GRK3: variants seen among roughly 807,000 people sequenced by gnomAD.
GRK3 encodes adrenergic, beta, receptor kinase 2.
A neutral mutation model predicts 95.7 loss-of-function variants in GRK3; 54 were observed. The observed-to-expected ratio is 0.56, with a 90% CI of 0.45 to 0.71. GRK3 has a LOEUF of 0.71. Ranked by LOEUF, GRK3 falls within the 30% of genes least tolerant of loss-of-function variation. GRK3 has a pLI of 0.00. For missense variants in GRK3, 649 were observed against 851.2 expected (o/e 0.76, Z 2.96); for synonymous variants, 281 against 290.8 (o/e 0.97, Z 0.34).
rs146313233 is a variant in GRK3, at chr22:25,661,613, G to A, written c.302G>A (p.Arg101His). The change falls in exon 4 of 21, where the codon CGC becomes CAC. Residue 101 changes from arginine (R) to histidine (H), a missense_variant. By Grantham distance (29) the Arg-to-His change is conservative. Coordinates refer to ENST00000324198, the MANE Select transcript of GRK3 (RefSeq NM_005160.4). Reference sequence around the variant, plus strand: ...GAAAAACTTGATAATGAGGAAGACCGCCTTTGCAGAAGTCGACAAATTTAT... The same window carrying A: ...GAAAAACTTGATAATGAGGAAGACCACCTTTGCAGAAGTCGACAAATTTAT... ...EYEKLDNEED[R>H]LCRSRQIYDA... 4.3e-6 allele frequency: 7 copies of A among 1,612,946 alleles called. No homozygotes were observed. Among genetic ancestry groups the A allele is most frequent in the African/African-American group, 1.3e-5 (1 of 74,868 alleles).
At chr22:25,695,557 A>AT (rs1461110055) in intron 13 of GRK3, among the ~76,000 whole-genome samples, 3 of 152,138 alleles carry the variant, frequency 2.0e-5, no homozygotes, top group Non-Finnish European at 4.4e-5. Context: ...AGGTAGAATG[A>AT]TTTTTTCCCT....
chr22:25,582,721 A>T (rs1932144948), intron 1 of GRK3, among the ~76,000 whole-genome samples: 1 of 152,220 alleles, frequency 6.6e-6, no homozygotes, highest in Non-Finnish European at 1.5e-5. Context: ...TTTCGAGTGG[A>T]GGAGGAAGAG....
intron 2 of GRK3, among the ~76,000 whole-genome samples, chr22:25,642,432 C>T (rs1028944871): frequency 6.6e-6 from 1 of 152,028 alleles, no homozygotes; most frequent in African/African-American, 2.4e-5. Flanking sequence ...GACTCCATCT[C>T]AAAAATAAAT....
At chr22:25,677,007 A>G (rs2085035440) in intron 8 of GRK3, among the ~76,000 whole-genome samples, 1 of 152,122 alleles carries the variant, frequency 6.6e-6, no homozygotes, top group Non-Finnish European at 1.5e-5. Context: ...CCAAGAATGC[A>G]CTTGCTTCCC....
chr22:25,578,618 A>C (rs1931992711), intron 1 of GRK3, among the ~76,000 whole-genome samples: 1 of 152,132 alleles, frequency 6.6e-6, no homozygotes, highest in South Asian at 2.1e-4. Context: ...GGAGGCGGAG[A>C]GTTGGTGTCA....
At chr22:25,590,926 C>A (rs978876299) in intron 1 of GRK3, among the ~76,000 whole-genome samples, 3 of 152,150 alleles carry the variant, frequency 2.0e-5, no homozygotes, top group Non-Finnish European at 4.4e-5. Context: ...AACCATTACC[C>A]AAATTCAGAT....
intron 9 of GRK3, among the ~76,000 whole-genome samples, chr22:25,681,065 G>A: frequency 6.6e-6 from 1 of 151,810 alleles, no homozygotes; most frequent in South Asian, 2.1e-4. Flanking sequence ...AAGGAAATAT[G>A]CATGTTGGAG....
At chr22:25,590,116 C>G (rs2146326799) in intron 1 of GRK3, among the ~76,000 whole-genome samples, 1 of 152,168 alleles carries the variant, frequency 6.6e-6, no homozygotes, top group Admixed American at 6.5e-5. Context: ...TCTATACCTC[C>G]TATTTCCCTT....
intron 19 of GRK3, among the ~76,000 whole-genome samples, chr22:25,720,680 T>C (rs370873617): frequency 1.9e-4 from 29 of 152,070 alleles, no homozygotes; most frequent in African/African-American, 6.8e-4. Context: ...TTTCACCATC[T>C]TGGCCAGGTT....
rs759640133 is a variant in GRK3 at position 25,687,568 on chromosome 22, C to T, written c.858C>T (p.His286=). The change falls in exon 11 of 21, where the codon CAC becomes CAT. Residue 286 remains histidine (H), a synonymous_variant. Coordinates refer to ENST00000324198, the MANE Select transcript of GRK3 (RefSeq NM_005160.4). ...GGDLHYHLSQ[H]GVFSEKEMRF... is the part of the protein sequence containing the mutation. ...ATTTGCACTACCACCTTTCACAACA[C>T]GGTGTGTTCTCTGAGAAGGAGATGC... The T allele has an allele frequency of 2.0e-5, 33 of 1,613,934 alleles. No homozygotes were observed. The highest frequency in any genetic ancestry group is 6.7e-5 in the Admixed American group (4 of 60,006).
At chr22:25,687,169 G>A (rs1292585726) in intron 10 of GRK3, among the ~76,000 whole-genome samples, 1 of 151,212 alleles carries the variant, frequency 6.6e-6, no homozygotes, top group Non-Finnish European at 1.5e-5. Context: ...TATCCATAGA[G>A]CCAGTTGCTA....
intron 2 of GRK3, among the ~76,000 whole-genome samples, chr22:25,614,196 C>G (rs569244688): frequency 6.6e-6 from 1 of 152,244 alleles, no homozygotes; most frequent in East Asian, 1.9e-4. Context: ...GGTACACTCT[C>G]AGCTCACTGC....
intron 10 of GRK3, among the ~76,000 whole-genome samples, chr22:25,685,987 G>A (rs190684237): frequency 6.6e-6 from 1 of 151,682 alleles, no homozygotes; most frequent in African/African-American, 2.4e-5. Flanking sequence ...TTGGGAGACC[G>A]AGGCGGGCGG....
In GRK3 at chr22:25,613,133, G is replaced by A. The variant is rs1232614535; in HGVS notation, c.190+8680G>A. Among the ~76,000 whole-genome samples the A allele has an allele frequency of 6.6e-5, 10 of 151,330 alleles. 1 individual carries two copies. The highest frequency in any genetic ancestry group is 2.6e-4 in the Admixed American group (4 of 15,200). ...TAAGTCAGCAGCTTTGGATTCAAAA[G>A]TTGAGGTTAAATTACAGCAAATAGA... is the stretch of plus-strand genomic sequence containing the variant. On this transcript the variant is annotated intron_variant, in intron 2 of 20. Coordinates refer to ENST00000324198, the MANE Select transcript of GRK3 (RefSeq NM_005160.4).
intron 3 of GRK3, among the ~76,000 whole-genome samples, chr22:25,650,676 G>C (rs2084824274): frequency 6.6e-6 from 1 of 152,196 alleles, no homozygotes; most frequent in Non-Finnish European, 1.5e-5. Flanking sequence ...AAATGGCATT[G>C]TTGGCATTCA....
At chr22:25,570,497 A>G (rs2146310099) in intron 1 of GRK3, among the ~76,000 whole-genome samples, 1 of 152,322 alleles carries the variant, frequency 6.6e-6, no homozygotes, top group South Asian at 2.1e-4. Context: ...AATAAAAATC[A>G]CTTTCTCATT....
At chr22:25,605,784 T>C (rs2084441252) in intron 2 of GRK3, among the ~76,000 whole-genome samples, 1 of 152,182 alleles carries the variant, frequency 6.6e-6, no homozygotes, top group Non-Finnish European at 1.5e-5. Flanking sequence ...TCTGCCTCCA[T>C]GGATTTGCTT....
intron 2 of GRK3, among the ~76,000 whole-genome samples, chr22:25,617,216 G>T (rs989148421): frequency 1.3e-5 from 2 of 152,160 alleles, no homozygotes; most frequent in African/African-American, 4.8e-5. Flanking sequence ...TTTGGAATTT[G>T]CTCTTTAGGA....
chr22:25,681,772 G>C (rs1387897577), intron 9 of GRK3, among the ~76,000 whole-genome samples: 1 of 152,044 alleles, frequency 6.6e-6, no homozygotes, highest in Non-Finnish European at 1.5e-5. Flanking sequence ...CTATTTTGTT[G>C]ACTTTTAGTA....
Sources: allele counts gnomAD v4.1 joint callset (sites outside exome capture counted in the v4.1 genomes callset), GRCh38; gene constraint gnomAD v4.1.1; transcripts MANE v1.5; gene names NCBI Gene and HGNC (gene_info 2026-07-23, HGNC 2026-07-21).